Variants in RGS17 observed in about 807,000 individuals in gnomAD.
RGS17 encodes the protein regulator of G protein signaling 17, also known as regulator of G-protein signaling 17.
A neutral mutation model predicts 25.5 loss-of-function variants in RGS17; 12 were observed. The ratio of observed to expected loss-of-function variants is 0.47; its 90% CI spans 0.30 to 0.76. The LOEUF is 0.76. RGS17 is among the 30% of genes least tolerant of loss of function. The pLI, the probability that RGS17 is intolerant of heterozygous loss-of-function variation, is 0.07. For missense variants in RGS17, 196 were observed against 242.2 expected (o/e 0.81, Z 1.27); for synonymous variants, 71 against 76.9 (o/e 0.92, Z 0.40).
intron 2 of RGS17, among the ~76,000 whole-genome samples, chr6:153,036,632 T>C (rs1776246656): frequency 6.6e-6 from 1 of 152,220 alleles, no homozygotes; most frequent in Non-Finnish European, 1.5e-5. Context: ...GTTGAACTCA[T>C]CTTTGTATCC....
At chr6:153,082,677 A>C (rs9479503) in intron 1 of RGS17, among the ~76,000 whole-genome samples, 78,835 of 151,392 alleles carry the variant, frequency 0.52, 20,892 homozygotes, top group Non-Finnish European at 0.57. Context: ...TTTCTCTTGG[A>C]TGATATTTCT....
intron 1 of RGS17, among the ~76,000 whole-genome samples, chr6:153,087,003 C>T (rs548439147): frequency 6.6e-6 from 1 of 152,188 alleles, no homozygotes; most frequent in East Asian, 1.9e-4. Flanking sequence ...ATACAAAAGG[C>T]CGGGCACAAT....
At chr6:153,095,260 G>C (rs182695547) in intron 1 of RGS17, among the ~76,000 whole-genome samples, 1 of 151,950 alleles carries the variant, frequency 6.6e-6, no homozygotes. Context: ...AAATATTCTT[G>C]GATATTGAAG....
intron 1 of RGS17, among the ~76,000 whole-genome samples, chr6:153,123,790 T>C: frequency 6.6e-6 from 1 of 152,186 alleles, no homozygotes; most frequent in East Asian, 1.9e-4. Context: ...CCTTCCCTTT[T>C]GTTCATCCCC....
rs7766454 is a variant in RGS17 at position 153,088,871 on chromosome 6, T to A, written c.-26+42253A>T. 7.7e-3 allele frequency among the ~76,000 whole-genome samples: 1,166 copies of A among 152,310 alleles called. 12 individuals carry two copies. The highest frequency in any genetic ancestry group is 0.027 in the African/African-American group (1,111 of 41,572). On this transcript the variant is annotated intron_variant, in intron 1 of 4. Coordinates refer to ENST00000206262, the MANE Select transcript of RGS17 (RefSeq NM_012419.5). ...TGAGATAGTACCATGTATTTTTAGC[T>A]AGATTCAGTACTTTGGCCTAGGGTA... is the stretch of plus-strand genomic sequence containing the variant.
chr6:153,076,879 C>T lies in RGS17; in HGVS notation c.-25-32836G>A, dbSNP rs570254547. On this transcript the variant is annotated intron_variant, in intron 1 of 4. Transcript: ENST00000206262. Reference sequence around the variant, plus strand: ...TTTCACCAATAAAATAATTGATTTACTCAATGATTACCAATGGATTCTGAA... The same window carrying T: ...TTTCACCAATAAAATAATTGATTTATTCAATGATTACCAATGGATTCTGAA... Among the ~76,000 whole-genome samples the T allele has an allele frequency of 3.3e-4, 51 of 152,248 alleles. 1 individual carries two copies. The highest frequency in any genetic ancestry group is 3.2e-3 in the Admixed American group (49 of 15,282).
intron 1 of RGS17, among the ~76,000 whole-genome samples, chr6:153,065,180 T>C (rs1187962936): frequency 1.3e-5 from 2 of 152,062 alleles, no homozygotes; most frequent in Admixed American, 6.6e-5. Flanking sequence ...TGAATCTCAA[T>C]ACAAAAACTG....
chr6:153,124,898 A>G (rs1777683604), intron 1 of RGS17, among the ~76,000 whole-genome samples: 1 of 152,214 alleles, frequency 6.6e-6, no homozygotes, highest in African/African-American at 2.4e-5. Flanking sequence ...CCAAGAGCCA[A>G]AACTGACTCA....
At position 153,008,621 on chromosome 6, in the gene RGS17, A is replaced by G. The variant is rs1254987051; in HGVS notation, c.*2953T>C. 1.3e-5 allele frequency: 2 copies of G among 152,240 alleles called. No homozygotes were observed. Among genetic ancestry groups the G allele is most frequent in the African/African-American group, 4.8e-5 (2 of 41,476 alleles). 9.4% of individuals were successfully genotyped at this position (152,240 alleles called of 1,614,324 possible). On this transcript the variant is annotated 3_prime_UTR_variant, in exon 5 of 5. Coordinates refer to ENST00000206262, the MANE Select transcript of RGS17 (RefSeq NM_012419.5). ...AGATACATCTAAAGTTAGGCACTAT[A>G]GAAAGTGCATTAATCTCTTTCTGTG...
intron 1 of RGS17, among the ~76,000 whole-genome samples, chr6:153,074,704 A>G (rs1345423655): frequency 6.6e-6 from 1 of 152,182 alleles, no homozygotes; most frequent in African/African-American, 2.4e-5. Flanking sequence ...GTTTTTGTAA[A>G]TTGGATGTTG....
intron 1 of RGS17, among the ~76,000 whole-genome samples, chr6:153,122,304 T>C (rs559116054): frequency 9.8e-5 from 15 of 152,312 alleles, no homozygotes; most frequent in African/African-American, 3.4e-4. Flanking sequence ...TTCAAAATAT[T>C]ACATTTTGGA....
chr6:153,111,561 CA>C (rs1777469748), intron 1 of RGS17, among the ~76,000 whole-genome samples: 2 of 152,320 alleles, frequency 1.3e-5, no homozygotes, highest in South Asian at 4.1e-4. Flanking sequence ...AAGAGAGCAG[CA>C]GATCTTCCAG....
At chr6:153,082,345 T>C (rs1460091448) in intron 1 of RGS17, among the ~76,000 whole-genome samples, 1 of 152,224 alleles carries the variant, frequency 6.6e-6, no homozygotes, top group Non-Finnish European at 1.5e-5. Flanking sequence ...CAATTACATA[T>C]ATGTTACACA....
At position 153,031,549 on chromosome 6, in the gene RGS17, T is replaced by C. The variant is rs138083321; in HGVS notation, c.120-5006A>G. On this transcript the variant is annotated intron_variant, in intron 2 of 4. Coordinates refer to ENST00000206262, the MANE Select transcript of RGS17 (RefSeq NM_012419.5). ...TGTTTTATTTACAAGGAAACAGTTA[T>C]TGGGGTTGACTTACACAATACCCAC... Among the ~76,000 whole-genome samples, 354 of 152,332 alleles carry C rather than the reference T, an allele frequency of 2.3e-3. 1 individual carries two copies. Among genetic ancestry groups the C allele is most frequent in the African/African-American group, 8.1e-3 (337 of 41,564 alleles).
intron 1 of RGS17, among the ~76,000 whole-genome samples, chr6:153,119,799 T>G: frequency 6.6e-6 from 1 of 152,236 alleles, no homozygotes; most frequent in East Asian, 1.9e-4. Context: ...TAAGACACAT[T>G]GAATATGAAA....
At chr6:153,062,795 C>G (rs578184604) in intron 1 of RGS17, among the ~76,000 whole-genome samples, 1 of 152,068 alleles carries the variant, frequency 6.6e-6, no homozygotes, top group African/African-American at 2.4e-5. Flanking sequence ...ATCTTGGATA[C>G]CAGCTCAGCC....
rs1266707054 is a variant in RGS17, at chr6:153,068,444, C to A, written c.-25-24401G>T. Among the ~76,000 whole-genome samples the A allele has an allele frequency of 2.0e-5, 3 of 152,148 alleles. No individual in the cohort carries two copies. In the East Asian group the frequency reaches 5.8e-4, roughly 29 times the overall value. On this transcript the variant is annotated intron_variant, in intron 1 of 4. Coordinates refer to ENST00000206262, the MANE Select transcript of RGS17 (RefSeq NM_012419.5). ...CCTGAGTGACAGAGTGAGACTCCAT[C>A]TCAAACAAACAAAATGAATTAAAGA... is the stretch of plus-strand genomic sequence containing the variant.
Position 153,056,185 on chromosome 6 carries a change from T to A in RGS17, c.-25-12142A>T, listed in dbSNP as rs9371663. Among the ~76,000 whole-genome samples, 669 of 152,090 alleles carry A rather than the reference T, an allele frequency of 4.4e-3. 12 individuals carry two copies. Among genetic ancestry groups the A allele is most frequent in the African/African-American group, 0.015 (638 of 41,468 alleles). The stretch of plus-strand genomic sequence containing the variant: ...CTGGTTAAACAGTTATGTTCAATTC[T>A]GCTCACTACAATTTAAGAAATAAAT... On this transcript the variant is annotated intron_variant, in intron 1 of 4. Coordinates refer to ENST00000206262, the MANE Select transcript of RGS17 (RefSeq NM_012419.5).
chr6:153,113,218 G>A (rs1032153624), intron 1 of RGS17, among the ~76,000 whole-genome samples: 3 of 151,790 alleles, frequency 2.0e-5, no homozygotes, highest in Non-Finnish European at 1.5e-5. Context: ...TGAAAATAAA[G>A]GAATGGAAGA....
Sources: allele counts gnomAD v4.1 joint callset (sites outside exome capture counted in the v4.1 genomes callset), GRCh38; gene constraint gnomAD v4.1.1; transcripts MANE v1.5; gene names NCBI Gene and HGNC (gene_info 2026-07-23, HGNC 2026-07-21).